LSM8: variants seen among roughly 807,000 people sequenced by gnomAD.
LSM8 encodes the protein LSM8 U6 small nuclear RNA associated.
A neutral mutation model predicts 15.0 loss-of-function variants in LSM8; 14 were observed. The ratio of observed to expected loss-of-function variants is 0.93; its 90% CI spans 0.62 to 1.46. The LOEUF (loss-of-function observed/expected upper bound fraction) is 1.46. Among genes scored for constraint, LSM8 ranks in the 40% most tolerant of loss-of-function variants. The probability of loss-of-function intolerance (pLI) is 0.00; values close to 1 mark genes in which losing one functional copy is unlikely to be tolerated. For missense variants in LSM8, 90 were observed against 115.4 expected (o/e 0.78, Z 1.01); for synonymous variants, 50 against 42.1 (o/e 1.19, Z -0.73).
In LSM8 at chr7:118,196,229, C is replaced by A. The variant is rs1364753307; in HGVS notation, c.*4227C>A. 6.6e-6 allele frequency among the ~76,000 whole-genome samples: 1 copy of A among 152,202 alleles called. No individual in the cohort carries two copies. Among genetic ancestry groups the A allele is most frequent in the African/African-American group, 2.4e-5 (1 of 41,444 alleles). Reference sequence around the variant, plus strand: ...ATTCTTGTGCTTGTGAAGCTTCTATCTGTCTGTATCTACCTCAACCAAATC... The same window carrying A: ...ATTCTTGTGCTTGTGAAGCTTCTATATGTCTGTATCTACCTCAACCAAATC... On this transcript the variant is annotated 3_prime_UTR_variant, in exon 4 of 4. Transcript: ENST00000249299.
rs1809078039 is a variant in LSM8 at position 118,196,426 on chromosome 7, T to G, written c.*4424T>G. 6.6e-6 allele frequency among the ~76,000 whole-genome samples: 1 copy of G among 152,146 alleles called. No individual in the cohort carries two copies. Among genetic ancestry groups the G allele is most frequent in the African/African-American group, 2.4e-5 (1 of 41,428 alleles). ...CCCATCTATTTTTTTTCTTTTAAGATTGCTAAGTCTGTAGGTTGCATAATT... is the reference window on the plus strand; with the variant it reads ...CCCATCTATTTTTTTTCTTTTAAGAGTGCTAAGTCTGTAGGTTGCATAATT... On this transcript the variant is annotated 3_prime_UTR_variant, in exon 4 of 4. Transcript: ENST00000249299.
In LSM8 at chr7:118,197,639, C is replaced by CT. The variant is rs1477309350; in HGVS notation, c.*5638dup. Among the ~76,000 whole-genome samples, 4 of 151,980 alleles carry CT rather than the reference C, an allele frequency of 2.6e-5. No individual in the cohort carries two copies. The highest frequency in any genetic ancestry group is 9.7e-5 in the African/African-American group (4 of 41,352). ...TATTTTAAAAAATAGCTCTCTGAAT[C>CT]TGACTTGGATAAGCTTTATTTTAAT... is the stretch of plus-strand genomic sequence containing the variant. On this transcript the variant is annotated 3_prime_UTR_variant, in exon 4 of 4. Transcript: ENST00000249299.
intron 3 of LSM8, 124 bp from the exon 4 acceptor site, chr7:118,191,788 C>T (rs566653358): frequency 7.4e-6 from 5 of 675,394 alleles, no homozygotes; most frequent in African/African-American, 3.6e-5. Flanking sequence ...ATTCTTTTTA[C>T]TGTGCTCTCT....
Position 118,192,215 on chromosome 7 carries a change from TTAAA to T in LSM8, c.*216_*219del. On this transcript the variant is annotated 3_prime_UTR_variant, in exon 4 of 4. Transcript: ENST00000249299. ...TTGGTAGCTTGGTTTCTTTTTTTTA[TTAAA>T]TAGTGTGAAAATATAATGGGCATTT... 2.7e-6 allele frequency: 1 copy of T among 365,474 alleles called. No homozygotes were observed. The highest frequency in any genetic ancestry group is 4.9e-6 in the Non-Finnish European group (1 of 204,770). 22.6% of individuals were successfully genotyped at this position (365,474 alleles called of 1,614,324 possible).
rs1341753765 is a variant in LSM8, at chr7:118,193,754, T to G, written c.*1752T>G. ...TAAATAAGAATACACATTGTTCAGTTGCTAAGAAAAATGCATTCTAACAGT... is the reference window on the plus strand; with the variant it reads ...TAAATAAGAATACACATTGTTCAGTGGCTAAGAAAAATGCATTCTAACAGT... On this transcript the variant is annotated 3_prime_UTR_variant, in exon 4 of 4. Transcript: ENST00000249299. 2.6e-5 allele frequency among the ~76,000 whole-genome samples: 4 copies of G among 152,150 alleles called. No homozygotes were observed. Among genetic ancestry groups the G allele is most frequent in the Non-Finnish European group, 5.9e-5 (4 of 67,988 alleles).
In LSM8 at chr7:118,199,958, C is replaced by A. The variant is rs1332046123; in HGVS notation, c.*7956C>A. On this transcript the variant is annotated 3_prime_UTR_variant, in exon 4 of 4. Coordinates refer to ENST00000249299, the MANE Select transcript of LSM8 (RefSeq NM_016200.5). ...ATAGCTTAGGGCAAGTGATAAAAAACAGAGCTTAACAAAGGACTGGATGTT... is the reference window on the plus strand; with the variant it reads ...ATAGCTTAGGGCAAGTGATAAAAAAAAGAGCTTAACAAAGGACTGGATGTT... 1.3e-5 allele frequency among the ~76,000 whole-genome samples: 2 copies of A among 152,086 alleles called. No homozygotes were observed. Among genetic ancestry groups the A allele is most frequent in the African/African-American group, 4.8e-5 (2 of 41,420 alleles).
At chr7:118,189,891 C>T (rs1455268530) in intron 3 of LSM8, 2 of 151,268 alleles carry the variant, frequency 1.3e-5, no homozygotes, top group Non-Finnish European at 2.9e-5. Context: ...GCTGATGTGA[C>T]AGAGGAACTG....
At position 118,197,216 on chromosome 7, in the gene LSM8, A is replaced by G. The variant is rs1245057507; in HGVS notation, c.*5214A>G. ...GTAGGTTTTTTTTTTTTTTCCACATATACTGGCTTTACAAATGCCATATAA... is the reference window on the plus strand; with the variant it reads ...GTAGGTTTTTTTTTTTTTTCCACATGTACTGGCTTTACAAATGCCATATAA... On this transcript the variant is annotated 3_prime_UTR_variant, in exon 4 of 4. Transcript: ENST00000249299. Among the ~76,000 whole-genome samples the G allele has an allele frequency of 6.7e-6, 1 of 148,674 alleles. No homozygotes were observed. The highest frequency in any genetic ancestry group is 1.5e-5 in the Non-Finnish European group (1 of 67,540).
At chr7:118,186,084 A>G (rs553309227) in intron 2 of LSM8, among the ~76,000 whole-genome samples, 173 of 152,330 alleles carry the variant, frequency 1.1e-3, no homozygotes, top group African/African-American at 4.0e-3. Context: ...GATAACATTT[A>G]AGGCTTGTAT....
chr7:118,185,831 C>A, intron 2 of LSM8, 137 bp downstream of exon 2: 1 of 725,050 alleles, frequency 1.4e-6, no homozygotes, highest in Non-Finnish European at 2.3e-6. Context: ...AGCTCTTTAT[C>A]ACTTTGCTGT....
Position 118,202,751 on chromosome 7 carries a change from CA to C in LSM8, c.*10751del, listed in dbSNP as rs1456806494. 1.4e-5 allele frequency among the ~76,000 whole-genome samples: 1 copy of C among 70,644 alleles called. No homozygotes were observed. The highest frequency in any genetic ancestry group is 2.7e-5 in the Non-Finnish European group (1 of 36,914). The allele number at this position is 70,644 out of a possible 152,430, so 46.3% of individuals were successfully genotyped here. ...AAGAGAAGAATGGGGATGGGGTGAACAACCAACAATGCTGCCATTGTGCTAG... is the reference window on the plus strand; with the variant it reads ...AAGAGAAGAATGGGGATGGGGTGAACACCAACAATGCTGCCATTGTGCTAG... On this transcript the variant is annotated 3_prime_UTR_variant, in exon 4 of 4. Transcript: ENST00000249299.
Position 118,192,221 on chromosome 7 carries a change from A to G in LSM8, c.*219A>G. 1 of 367,518 alleles carries G rather than the reference A, an allele frequency of 2.7e-6. No individual in the cohort carries two copies. Among genetic ancestry groups the G allele is most frequent in the South Asian group, 5.7e-5 (1 of 17,568 alleles). 22.8% of individuals were successfully genotyped at this position (367,518 alleles called of 1,614,324 possible). On this transcript the variant is annotated 3_prime_UTR_variant, in exon 4 of 4. Coordinates refer to ENST00000249299, the MANE Select transcript of LSM8 (RefSeq NM_016200.5). ...GCTTGGTTTCTTTTTTTTATTAAAT[A>G]GTGTGAAAATATAATGGGCATTTTG...
At position 118,203,617 on chromosome 7, in the gene LSM8, G is replaced by A. The variant is rs1264896234; in HGVS notation, c.*11615G>A. Among the ~76,000 whole-genome samples the A allele has an allele frequency of 6.6e-6, 1 of 151,764 alleles. No homozygotes were observed. The highest frequency in any genetic ancestry group is 1.5e-5 in the Non-Finnish European group (1 of 67,774). Reference sequence around the variant, plus strand: ...TGATGTCTCCAAAAGGCAAAGGGAAGTGTACCAATTTTTGGAGCACTATAA... The same window carrying A: ...TGATGTCTCCAAAAGGCAAAGGGAAATGTACCAATTTTTGGAGCACTATAA... On this transcript the variant is annotated 3_prime_UTR_variant, in exon 4 of 4. Coordinates refer to ENST00000249299, the MANE Select transcript of LSM8 (RefSeq NM_016200.5).
chr7:118,196,984 C>T lies in LSM8; in HGVS notation c.*4982C>T, dbSNP rs549126840. ...CCTCGTGATCTGCCCACTTCGGCGT[C>T]CCAAAGTGCTGGAATTACAGGCATG... On this transcript the variant is annotated 3_prime_UTR_variant, in exon 4 of 4. Coordinates refer to ENST00000249299, the MANE Select transcript of LSM8 (RefSeq NM_016200.5). Among the ~76,000 whole-genome samples, 2 of 152,008 alleles carry T rather than the reference C, an allele frequency of 1.3e-5. No individual in the cohort carries two copies. Among genetic ancestry groups the T allele is most frequent in the African/African-American group, 2.4e-5 (1 of 41,470 alleles).
rs897081547 is a variant in LSM8 at position 118,192,082 on chromosome 7, G to T, written c.*80G>T. ...TGAGGATGATATATGGAGTTTTTAT[G>T]AGTGTGTCACTGGATTTTGACTCCT... is the stretch of plus-strand genomic sequence containing the variant. On this transcript the variant is annotated 3_prime_UTR_variant, in exon 4 of 4. Transcript: ENST00000249299. 12 of 1,026,320 alleles carry T rather than the reference G, an allele frequency of 1.2e-5. No homozygotes were observed. In the Admixed American group the frequency reaches 2.9e-4, roughly 25 times the overall value. The allele number at this position is 1,026,320 out of a possible 1,614,324, so 63.6% of individuals were successfully genotyped here.
rs567305068 is a variant in LSM8, at chr7:118,193,751, A to G, written c.*1749A>G. ...AATTAAATAAGAATACACATTGTTC[A>G]GTTGCTAAGAAAAATGCATTCTAAC... is the stretch of plus-strand genomic sequence containing the variant. On this transcript the variant is annotated 3_prime_UTR_variant, in exon 4 of 4. Transcript: ENST00000249299. 8.7e-4 allele frequency among the ~76,000 whole-genome samples: 132 copies of G among 152,290 alleles called. 1 individual carries two copies. In the South Asian group the frequency reaches 0.025, roughly 29 times the overall value.
rs1809202341 is a variant in LSM8 at position 118,203,599 on chromosome 7, T to A, written c.*11597T>A. Among the ~76,000 whole-genome samples, 2 of 151,748 alleles carry A rather than the reference T, an allele frequency of 1.3e-5. No homozygotes were observed. The highest frequency in any genetic ancestry group is 4.8e-5 in the African/African-American group (2 of 41,378). ...TCTGAATATCAAAGTCAGTGATGTC[T>A]CCAAAAGGCAAAGGGAAGTGTACCA... On this transcript the variant is annotated 3_prime_UTR_variant, in exon 4 of 4. Transcript: ENST00000249299.
rs562951280 is a variant in LSM8 at position 118,192,291 on chromosome 7, A to T, written c.*289A>T. The T allele has an allele frequency of 4.4e-6, 1 of 229,448 alleles. No homozygotes were observed. Among genetic ancestry groups the T allele is most frequent in the Non-Finnish European group, 8.5e-6 (1 of 117,308 alleles). 14.2% of individuals were successfully genotyped at this position (229,448 alleles called of 1,614,324 possible). On this transcript the variant is annotated 3_prime_UTR_variant, in exon 4 of 4. Transcript: ENST00000249299. ...AGTACTTTTTGATACTTTAGTATTT[A>T]TGGAAACTAGTGGAAAAGAGAAATT... is the stretch of plus-strand genomic sequence containing the variant.
intron 3 of LSM8, 131 bp from the exon 4 acceptor site, chr7:118,191,781 C>A: frequency 1.5e-6 from 1 of 653,428 alleles, no homozygotes; most frequent in Non-Finnish European, 2.6e-6. Flanking sequence ...TACCTTAATT[C>A]TTTTTACTGT....
Sources: allele counts gnomAD v4.1 joint callset (sites outside exome capture counted in the v4.1 genomes callset), GRCh38; gene constraint gnomAD v4.1.1; transcripts MANE v1.5; gene names NCBI Gene and HGNC (gene_info 2026-07-23, HGNC 2026-07-21).